Variants in MAP4K3 observed in about 807,000 individuals in gnomAD.
MAP4K3 encodes mitogen-activated protein kinase kinase kinase kinase 3.
A neutral mutation model predicts 143.5 loss-of-function variants in MAP4K3; 94 were observed. The ratio of observed to expected loss-of-function variants is 0.65; its 90% CI spans 0.55 to 0.78. MAP4K3 has a LOEUF of 0.78. Ranked by LOEUF, MAP4K3 falls within the 30% of genes least tolerant of loss-of-function variation. The pLI, the probability that MAP4K3 is intolerant of heterozygous loss-of-function variation, is 0.00. For synonymous variants in MAP4K3, 416 were observed against 347.2 expected (o/e 1.20, Z -2.20); for missense variants, 1,077 against 1,068.1 (o/e 1.01, Z -0.12).
At chr2:39,433,221 C>G (rs2148640743) in intron 1 of MAP4K3, among the ~76,000 whole-genome samples, 1 of 152,282 alleles carries the variant, frequency 6.6e-6, no homozygotes, top group Middle Eastern at 3.4e-3. Flanking sequence ...AGCCTGGAGT[C>G]TTTGTGTATC....
chr2:39,418,289 A>C (rs1350485146), intron 1 of MAP4K3, among the ~76,000 whole-genome samples: 1 of 152,190 alleles, frequency 6.6e-6, no homozygotes, highest in African/African-American at 2.4e-5. Context: ...AAGTTGGAGC[A>C]ATCTGGGCAA....
chr2:39,299,012 T>C (rs1415931511), intron 16 of MAP4K3, among the ~76,000 whole-genome samples: 1 of 148,310 alleles, frequency 6.7e-6, no homozygotes, highest in Non-Finnish European at 1.5e-5. Context: ...ACTATTAAAA[T>C]AATATATGCA....
At position 39,405,274 on chromosome 2, in the gene MAP4K3, C is replaced by A. The variant is rs116513229; in HGVS notation, c.97-27151G>T. ...AAAAGTAAAGGAAGAGAATAAGAGA[C>A]TGCCTATGATACAGGGAATTCTTTT... On this transcript the variant is annotated intron_variant, in intron 1 of 33. Transcript: ENST00000263881. Among the ~76,000 whole-genome samples, 459 of 152,318 alleles carry A rather than the reference C, an allele frequency of 3.0e-3. 3 individuals carry two copies. Among genetic ancestry groups the A allele is most frequent in the African/African-American group, 0.011 (445 of 41,574 alleles).
chr2:39,380,736 T>A (rs911884725), intron 1 of MAP4K3, among the ~76,000 whole-genome samples: 1 of 152,156 alleles, frequency 6.6e-6, no homozygotes, highest in Non-Finnish European at 1.5e-5. Flanking sequence ...CAACACATCA[T>A]TGCTTTAAAG....
chr2:39,347,250 T>C (rs912795740), intron 3 of MAP4K3, among the ~76,000 whole-genome samples: 1 of 152,200 alleles, frequency 6.6e-6, no homozygotes, highest in Non-Finnish European at 1.5e-5. Flanking sequence ...TCAATAGATA[T>C]AATTCATATA....
intron 16 of MAP4K3, among the ~76,000 whole-genome samples, chr2:39,295,444 T>A (rs1682231663): frequency 6.6e-6 from 1 of 152,084 alleles, no homozygotes; most frequent in Non-Finnish European, 1.5e-5. Flanking sequence ...TTTGGAATCC[T>A]CAATAATTTT....
intron 3 of MAP4K3, among the ~76,000 whole-genome samples, chr2:39,345,272 G>A (rs974897541): frequency 6.6e-6 from 1 of 151,502 alleles, no homozygotes; most frequent in Non-Finnish European, 1.5e-5. Context: ...CACCTACTCA[G>A]GAGGCTGAGG....
chr2:39,321,462 C>T (rs979831396), intron 12 of MAP4K3, among the ~76,000 whole-genome samples: 20 of 152,164 alleles, frequency 1.3e-4, no homozygotes, highest in Admixed American at 1.1e-3. Context: ...TACGGAAGGC[C>T]GCAGGGACCT....
chr2:39,279,156 G>C (rs1030536940), intron 23 of MAP4K3, among the ~76,000 whole-genome samples: 1 of 152,126 alleles, frequency 6.6e-6, no homozygotes, highest in African/African-American at 2.4e-5. Flanking sequence ...GAAGAAAAGT[G>C]CCCGATCTGT....
At chr2:39,290,269 A>C (rs770125081) in intron 19 of MAP4K3, 23 bp downstream of exon 19, 1 of 1,585,600 alleles carries the variant, frequency 6.3e-7, no homozygotes, top group Non-Finnish European at 8.6e-7. Flanking sequence ...ACATATATCA[A>C]ATTGAAAAAT....
At position 39,437,130 on chromosome 2, in the gene MAP4K3, G is replaced by A. The variant is rs543231188; in HGVS notation, c.-143C>T. The A allele has an allele frequency of 4.2e-6, 2 of 481,322 alleles. No individual in the cohort carries two copies. Among genetic ancestry groups the A allele is most frequent in the Middle Eastern group, 5.7e-4 (1 of 1,760 alleles). 29.8% of individuals were successfully genotyped at this position (481,322 alleles called of 1,614,324 possible). A position where few individuals can be genotyped will look rare whatever the true frequency, so the allele number is the denominator to read the frequency against. On this transcript the variant is annotated 5_prime_UTR_variant, in exon 1 of 34. Coordinates refer to ENST00000263881, the MANE Select transcript of MAP4K3 (RefSeq NM_003618.4). ...CCGGCTCCACGCTGCGGCCGCCGCCGCCGCCGCCGCTCCCCTCACGCCGCT... is the reference window on the plus strand; with the variant it reads ...CCGGCTCCACGCTGCGGCCGCCGCCACCGCCGCCGCTCCCCTCACGCCGCT...
intron 12 of MAP4K3, chr2:39,323,429 G>C (rs1683383957): frequency 6.6e-6 from 1 of 152,128 alleles, no homozygotes; most frequent in Non-Finnish European, 1.5e-5. Context: ...GTAGCATTTA[G>C]TGCACTGAAA....
In MAP4K3 at chr2:39,406,173, C is replaced by T. The variant is rs151098144; in HGVS notation, c.97-28050G>A. On this transcript the variant is annotated intron_variant, in intron 1 of 33. Coordinates refer to ENST00000263881, the MANE Select transcript of MAP4K3 (RefSeq NM_003618.4). ...GAAAGAATGAGTTAGCTTGAAGACA[C>T]GCTATTTGAAAACAGAGGAGACAAA... Among the ~76,000 whole-genome samples, 916 of 151,698 alleles carry T rather than the reference C, an allele frequency of 6.0e-3. 10 individuals are homozygous for T. The highest frequency in any genetic ancestry group is 0.021 in the African/African-American group (877 of 41,336).
In MAP4K3 at chr2:39,427,788, AAATACTACATTGTAGG is replaced by A. The variant is rs560579187; in HGVS notation, c.96+9088_96+9103del. On this transcript the variant is annotated intron_variant, in intron 1 of 33. Transcript: ENST00000263881. ...AAAGAGTGGCCCTAATGAATTTGAA[AAATACTACATTGTAGG>A]TCAAGTGAGTTCTAAATTCTTCAAC... is the stretch of plus-strand genomic sequence containing the variant. Among the ~76,000 whole-genome samples, 651 of 152,338 alleles carry A rather than the reference AAATACTACATTGTAGG, an allele frequency of 4.3e-3. 1 individual carries two copies. Among genetic ancestry groups the A allele is most frequent in the Middle Eastern group, 0.01 (3 of 294 alleles).
At chr2:39,337,887 GT>G (rs1665020273) in intron 4 of MAP4K3, among the ~76,000 whole-genome samples, 1 of 149,834 alleles carries the variant, frequency 6.7e-6, no homozygotes, top group Non-Finnish European at 1.5e-5. Flanking sequence ...AGCCTCTTGA[GT>G]GGCTGGGGGC....
At chr2:39,252,221 T>C (rs1376015973) in intron 32 of MAP4K3, among the ~76,000 whole-genome samples, 2 of 152,258 alleles carry the variant, frequency 1.3e-5, no homozygotes, top group Non-Finnish European at 2.9e-5. Context: ...GCAAGGTTAC[T>C]GGCAGCAGTA....
intron 13 of MAP4K3, among the ~76,000 whole-genome samples, chr2:39,314,625 T>C (rs1683053115): frequency 6.6e-6 from 1 of 152,172 alleles, no homozygotes; most frequent in Non-Finnish European, 1.5e-5. Flanking sequence ...TAAATGCTTC[T>C]AAGGAATAAA....
intron 12 of MAP4K3, among the ~76,000 whole-genome samples, chr2:39,319,830 G>C (rs1683246239): frequency 6.6e-6 from 1 of 152,068 alleles, no homozygotes. Context: ...ATTTTTACAT[G>C]AATCTTAAGG....
intron 13 of MAP4K3, among the ~76,000 whole-genome samples, chr2:39,314,942 G>C (rs190969580): frequency 1.3e-5 from 2 of 152,272 alleles, no homozygotes; most frequent in Non-Finnish European, 2.9e-5. Flanking sequence ...TGAATGACGT[G>C]GGAGCTTGTT....
Sources: gnomAD v4.1 joint callset for allele counts (sites outside exome capture counted in the v4.1 genomes callset) on GRCh38, gnomAD v4.1.1 for gene constraint, MANE v1.5 for transcripts, NCBI Gene and HGNC (gene_info 2026-07-23, HGNC 2026-07-21) for gene names.